LPCAT2: variants seen among roughly 807,000 people sequenced by gnomAD.
LPCAT2 encodes lysophosphatidylcholine acyltransferase 2.
LPCAT2 carries 58 observed loss-of-function variants against 64.7 expected under a neutral mutation model. The ratio of observed to expected loss-of-function variants is 0.90; its 90% CI spans 0.73 to 1.12. The LOEUF is 1.12. LPCAT2 is among the 50% of genes most tolerant of loss of function. The pLI, the probability that LPCAT2 is intolerant of heterozygous loss-of-function variation, is 0.00. For synonymous variants in LPCAT2, 252 were observed against 245.3 expected, an observed-to-expected ratio of 1.03 and a Z score of -0.26; for missense variants, 579 against 669.8, an observed-to-expected ratio of 0.86 and a Z score of 1.50.
At chr16:55,549,939 G>A (rs569558506) in intron 10 of LPCAT2, among the ~76,000 whole-genome samples, 5 of 152,012 alleles carry the variant, frequency 3.3e-5, no homozygotes, top group Admixed American at 2.0e-4. Context: ...TGAGCTTTTC[G>A]CTATAAAAGG....
Position 55,574,682 on chromosome 16 carries a change from T to C in LPCAT2, c.1267T>C (p.Leu423=), listed in dbSNP as rs768614919. ...FREYVIGLAV[L]CNPSNTEEII... ...AGAGTATGTGATTGGCCTGGCTGTC[T>C]TGTGCAACCCTTCCAACACAGAGGA... The change falls in exon 12 of 14, where the codon TTG becomes CTG. Residue 423 remains leucine, a synonymous_variant. Coordinates refer to ENST00000262134, the MANE Select transcript of LPCAT2 (RefSeq NM_017839.5). The C allele has an allele frequency of 1.2e-6, 2 of 1,613,662 alleles. No homozygotes were observed. The highest frequency in any genetic ancestry group is 2.7e-5 in the African/African-American group (2 of 75,020).
intron 1 of LPCAT2, among the ~76,000 whole-genome samples, chr16:55,521,140 A>G (rs1359360421): frequency 1.3e-5 from 2 of 151,828 alleles, no homozygotes; most frequent in African/African-American, 4.8e-5. Flanking sequence ...AATGCAAATT[A>G]CCAGTATCAA....
intron 1 of LPCAT2, among the ~76,000 whole-genome samples, chr16:55,515,807 A>T (rs527546090): frequency 6.6e-6 from 1 of 152,316 alleles, no homozygotes. Context: ...ATAAGTTAAG[A>T]TGCCAACACT....
intron 11 of LPCAT2, among the ~76,000 whole-genome samples, chr16:55,556,621 CA>C (rs548260144): frequency 4.1e-4 from 62 of 151,906 alleles, no homozygotes; most frequent in Admixed American, 3.7e-3. Flanking sequence ...ACTAAAAATA[CA>C]AAAAAAATTA....
At chr16:55,525,784 A>G (rs1402653537) in intron 2 of LPCAT2, 137 bp downstream of exon 2, 2 of 481,226 alleles carry the variant, frequency 4.2e-6, no homozygotes, top group Non-Finnish European at 6.7e-6. Context: ...TGCCTACTCA[A>G]TAATAAATTT....
chr16:55,574,763 G>A, intron 12 of LPCAT2, 34 bp downstream of exon 12: 1 of 1,498,658 alleles, frequency 6.7e-7, no homozygotes, highest in Middle Eastern at 1.7e-4. Context: ...ATCTTGGTCT[G>A]CCTTGTAAAC....
Position 55,549,285 on chromosome 16 carries a change from G to A in LPCAT2, c.944G>A (p.Gly315Glu), listed in dbSNP as rs751547742. 21 of 1,565,760 alleles carry A rather than the reference G, an allele frequency of 1.3e-5. No homozygotes were observed. Among genetic ancestry groups the A allele is most frequent in the South Asian group, 3.7e-5 (3 of 81,776 alleles). ...KVRNLMAEAL[G>E]IPVTDHTYED... Reference sequence around the variant, plus strand: ...CTTCTTAATACTTTTAGAGCTCTGGGAATACCAGTAACAGATCATACCTAT... The same window carrying A: ...CTTCTTAATACTTTTAGAGCTCTGGAAATACCAGTAACAGATCATACCTAT... The change falls in exon 10 of 14, where the codon GGA (glycine) becomes GAA (glutamate). Residue 315 changes from glycine (G) to glutamate (E), a missense_variant. Gly to Glu is a moderately conservative substitution (Grantham distance 98). Coordinates refer to ENST00000262134, the MANE Select transcript of LPCAT2 (RefSeq NM_017839.5).
chr16:55,529,880 C>T lies in LPCAT2; in HGVS notation c.575C>T (p.Pro192Leu), dbSNP rs138534282. 3.3e-4 allele frequency: 475 copies of T among 1,427,842 alleles called. 3 individuals are homozygous for T. Among genetic ancestry groups the T allele is most frequent in the South Asian group, 1.9e-3 (131 of 67,546 alleles). The allele number at this position is 1,427,842 out of a possible 1,614,324, so 88.4% of individuals were successfully genotyped here. A position where few individuals can be genotyped will look rare whatever the true frequency, so the allele number is the denominator to read the frequency against. The change falls in exon 4 of 14, where the codon CCG (proline) becomes CTG (leucine). Residue 192 changes from proline to leucine, a missense_variant. Coordinates refer to ENST00000262134, the MANE Select transcript of LPCAT2 (RefSeq NM_017839.5). ...VQPVLVSRVD[P>L]DSRKNTINEI... ...CCAGTTTTGGTGTCCCGTGTAGATC[C>T]GGATTCCCGAAAAAACACAATAAAT... is the stretch of plus-strand genomic sequence containing the variant.
At chr16:55,530,021 G>A (rs1047299458) in intron 4 of LPCAT2, 74 bp downstream of exon 4, 1 of 1,074,448 alleles carries the variant, frequency 9.3e-7, no homozygotes, top group Non-Finnish European at 1.3e-6. Context: ...TACTCATTTG[G>A]ATCCACAGAT....
At chr16:55,546,611 G>A (rs12447624) in intron 9 of LPCAT2, among the ~76,000 whole-genome samples, 5,282 of 152,220 alleles carry the variant, frequency 0.035, 151 homozygotes, top group Non-Finnish European at 0.048. Flanking sequence ...GTATATGTAT[G>A]TGTCTCTATA....
intron 8 of LPCAT2, chr16:55,541,948 A>C (rs1963402795): frequency 7.9e-7 from 1 of 1,259,694 alleles, no homozygotes; most frequent in Non-Finnish European, 1.0e-6. Context: ...AAAGAACTAG[A>C]ACTGCACATT....
At chr16:55,535,147 G>C (rs1395680434) in intron 7 of LPCAT2, among the ~76,000 whole-genome samples, 2 of 152,154 alleles carry the variant, frequency 1.3e-5, no homozygotes, top group African/African-American at 2.4e-5. Flanking sequence ...ATTTTGGTGA[G>C]AGCCGTATGA....
intron 8 of LPCAT2, chr16:55,540,774 T>A: frequency 4.9e-6 from 1 of 205,130 alleles, no homozygotes. Flanking sequence ...AGTGAATGCC[T>A]GAAACTGCAA....
intron 1 of LPCAT2, among the ~76,000 whole-genome samples, chr16:55,522,568 T>G (rs1324642374): frequency 1.3e-5 from 2 of 151,726 alleles, no homozygotes; most frequent in Admixed American, 1.3e-4. Context: ...CACACACTAC[T>G]TGATTTCAAG....
At position 55,525,580 on chromosome 16, in the gene LPCAT2, CCATTTGCTG is replaced by C; in HGVS notation, c.247_255del (p.Phe83_Ala85del). 2 of 1,611,558 alleles carry C rather than the reference CCATTTGCTG, an allele frequency of 1.2e-6. No homozygotes were observed. The highest frequency in any genetic ancestry group is 8.5e-7 in the Non-Finnish European group (1 of 1,178,556). On this transcript the variant is annotated inframe_deletion, in exon 2 of 14. Transcript: ENST00000262134. ...TGCGTTAATTTTATTACTTGCATGG[CCATTTGCTG>C]CAATTTCAACAGTATGCTGTCCTGA...
In LPCAT2 at chr16:55,575,951, C is replaced by G. The variant is rs567799510; in HGVS notation, c.1314+1222C>G. 3.9e-5 allele frequency among the ~76,000 whole-genome samples: 6 copies of G among 152,310 alleles called. No homozygotes were observed. In the South Asian group the frequency reaches 1.2e-3, roughly 32 times the overall value. On this transcript the variant is annotated intron_variant, in intron 12 of 13. Coordinates refer to ENST00000262134, the MANE Select transcript of LPCAT2 (RefSeq NM_017839.5). ...ATAAAACCTAAAATTACACACATAG[C>G]TAACTTATTCTTCTGATCTAGATAT...
At chr16:55,555,226 A>G (rs980240328) in intron 11 of LPCAT2, among the ~76,000 whole-genome samples, 1 of 152,232 alleles carries the variant, frequency 6.6e-6, no homozygotes, top group Admixed American at 6.5e-5. Flanking sequence ...GCAAAGAACA[A>G]TAACATGAGA....
At chr16:55,521,805 A>C (rs1963099737) in intron 1 of LPCAT2, among the ~76,000 whole-genome samples, 1 of 151,628 alleles carries the variant, frequency 6.6e-6, no homozygotes, top group African/African-American at 2.4e-5. Flanking sequence ...CCCACTAGTG[A>C]TAAAAAAAGT....
intron 12 of LPCAT2, among the ~76,000 whole-genome samples, chr16:55,577,073 T>G (rs1357895671): frequency 6.6e-6 from 1 of 152,150 alleles, no homozygotes; most frequent in Non-Finnish European, 1.5e-5. Flanking sequence ...CAATTACTGT[T>G]GAAGTCCAAG....
Sources: gnomAD v4.1 joint callset for allele counts (sites outside exome capture counted in the v4.1 genomes callset) on GRCh38, gnomAD v4.1.1 for gene constraint, MANE v1.5 for transcripts, NCBI Gene and HGNC (gene_info 2026-07-23, HGNC 2026-07-21) for gene names.